The following MAGEC3 variants were observed in gnomAD, a reference collection of about 807,000 sequenced individuals.
MAGEC3 encodes MAGE family member C3.
A neutral mutation model predicts 35.3 loss-of-function variants in MAGEC3; 34 were observed. The observed-to-expected ratio is 0.96, with a 90% confidence interval of 0.73 to 1.28. The LOEUF (loss-of-function observed/expected upper bound fraction) is 1.28. Ranked by LOEUF, MAGEC3 falls within the 50% of genes most tolerant of loss-of-function variation. MAGEC3 has a pLI of 0.00. For synonymous variants in MAGEC3, 202 were observed against 185.6 expected, an observed-to-expected ratio of 1.09 and a Z score of -0.72; for missense variants, 561 against 483.6, an observed-to-expected ratio of 1.16 and a Z score of -1.50.
At chrX:141,895,746 G>A (rs1479064724) in intron 6 of MAGEC3, among the ~76,000 whole-genome samples, 187 bp downstream of exon 6, 2 of 105,755 alleles carry the variant, frequency 1.9e-5, no homozygotes, top group African/African-American at 3.5e-5. Context: ...GAGGGGGAGG[G>A]GTGGAGGGGA....
chrX:141,866,917 T>C (rs2017852811), intron 2 of MAGEC3, among the ~76,000 whole-genome samples: 2 of 111,251 alleles, frequency 1.8e-5, no homozygotes, highest in Admixed American at 1.9e-4. Flanking sequence ...AATAGTGAAA[T>C]AGACATTCAC....
At position 141,838,372 on chromosome X, in the gene MAGEC3, C is replaced by T. The variant is rs1475192066; in HGVS notation, c.57C>T (p.Gly19=). 1 of 1,209,581 alleles carries T rather than the reference C, an allele frequency of 8.3e-7. No homozygotes were observed. Among genetic ancestry groups the T allele is most frequent in the Admixed American group, 2.2e-5 (1 of 45,825 alleles). Residue 19 remains glycine (G), a synonymous_variant, in exon 1 of 8, where the codon GGC becomes GGT. Coordinates refer to ENST00000298296, the MANE Select transcript of MAGEC3 (RefSeq NM_138702.1). ...CCACCTTCAGTGATGGCAGTCTAGGCCAGTGGGTGAAAAACACATGTGCCA... is the reference window on the plus strand; with the variant it reads ...CCACCTTCAGTGATGGCAGTCTAGGTCAGTGGGTGAAAAACACATGTGCCA... ...LDATFSDGSL[G]QWVKNTCATY...
intron 2 of MAGEC3, among the ~76,000 whole-genome samples, chrX:141,872,199 G>A (rs908057855): frequency 9.0e-6 from 1 of 111,277 alleles, no homozygotes; most frequent in Non-Finnish European, 1.9e-5. Context: ...AACATTAAAG[G>A]TTTCATTTTT....
chrX:141,847,864 AG>A (rs1260844185), intron 1 of MAGEC3, among the ~76,000 whole-genome samples: 1 of 111,338 alleles, frequency 9.0e-6, no homozygotes, highest in Non-Finnish European at 1.9e-5. Context: ...TAAAGATTAA[AG>A]CAGAAATTAA....
intron 4 of MAGEC3, among the ~76,000 whole-genome samples, chrX:141,892,603 A>T (rs1040874128): frequency 9.0e-6 from 1 of 111,284 alleles, no homozygotes; most frequent in Admixed American, 9.6e-5. Context: ...ATTATTCCCC[A>T]TAATTGTCTA....
intron 1 of MAGEC3, among the ~76,000 whole-genome samples, chrX:141,851,532 A>G (rs759057320): frequency 9.1e-6 from 1 of 110,480 alleles, no homozygotes; most frequent in South Asian, 3.8e-4. Context: ...TATTAAAAGT[A>G]TACAGTTCAG....
At chrX:141,889,127 A>G (rs1475712471) in intron 4 of MAGEC3, among the ~76,000 whole-genome samples, 1 of 111,931 alleles carries the variant, frequency 8.9e-6, no homozygotes, top group Non-Finnish European at 1.9e-5. Flanking sequence ...CATGTTCCCC[A>G]TCGTCCTGAA....
intron 1 of MAGEC3, among the ~76,000 whole-genome samples, chrX:141,854,562 G>A (rs190829994): frequency 1.8e-5 from 2 of 111,215 alleles, no homozygotes; most frequent in Admixed American, 1.9e-4. Context: ...TTGATCAGGG[G>A]TTTCTGCTTT....
intron 2 of MAGEC3, among the ~76,000 whole-genome samples, chrX:141,869,657 G>A (rs897468525): frequency 5.4e-5 from 6 of 111,773 alleles, no homozygotes; most frequent in African/African-American, 1.6e-4. Context: ...TTGCTAAGGC[G>A]ACACAGCTTG....
chrX:141,864,801 G>T (rs1182246397), intron 1 of MAGEC3, among the ~76,000 whole-genome samples: 1 of 111,580 alleles, frequency 9.0e-6, no homozygotes, highest in African/African-American at 3.3e-5. Flanking sequence ...AGAAGTCTGG[G>T]GGAAATAAAA....
At chrX:141,861,307 A>G (rs1295223928) in intron 1 of MAGEC3, among the ~76,000 whole-genome samples, 1 of 111,798 alleles carries the variant, frequency 8.9e-6, no homozygotes, top group African/African-American at 3.2e-5. Context: ...ATGGAAAGAC[A>G]TCCCATGCTC....
chrX:141,851,217 G>A (rs191667952), intron 1 of MAGEC3, among the ~76,000 whole-genome samples: 185 of 110,578 alleles, frequency 1.7e-3, no homozygotes, highest in African/African-American at 5.6e-3. Context: ...GATATTGGGG[G>A]TAGTCTCAGT....
In MAGEC3 at chrX:141,895,515, G is replaced by T; in HGVS notation, c.1079G>T (p.Arg360Leu). Residue 360 changes from arginine (R) to leucine (L), a missense_variant, in exon 6 of 8, where the codon CGC (arginine) becomes CTC (leucine). Transcript: ENST00000298296. The part of the protein sequence containing the change: ...GLAGHRQEDG[R>L]RGLTEASPQQ... The stretch of plus-strand genomic sequence containing the variant: ...GCAGGCCACAGACAGGAAGATGGCC[G>T]CCGAGGGCTGACCGAGGCGTCCCCA... 1 of 1,209,561 alleles carries T rather than the reference G, an allele frequency of 8.3e-7. No homozygotes were observed.
chrX:141,860,183 G>A (rs899249173), intron 1 of MAGEC3, among the ~76,000 whole-genome samples: 2 of 111,749 alleles, frequency 1.8e-5, no homozygotes, highest in Non-Finnish European at 3.8e-5. Flanking sequence ...GTTGGCAGAG[G>A]TAGGATGTGC....
intron 1 of MAGEC3, among the ~76,000 whole-genome samples, chrX:141,864,756 C>T (rs2017837663): frequency 9.0e-6 from 1 of 111,453 alleles, no homozygotes. Flanking sequence ...CAAACCTGCA[C>T]ATGTGCTCCT....
intron 2 of MAGEC3, among the ~76,000 whole-genome samples, chrX:141,867,792 T>C (rs1186325735): frequency 8.9e-6 from 1 of 111,998 alleles, no homozygotes; most frequent in Non-Finnish European, 1.9e-5. Flanking sequence ...GCATAGTAAA[T>C]AATTTTTATT....
At chrX:141,858,396 C>T (rs981375294) in intron 1 of MAGEC3, among the ~76,000 whole-genome samples, 18 of 110,729 alleles carry the variant, frequency 1.6e-4, no homozygotes, top group African/African-American at 4.9e-4. Context: ...CATGGGGAAG[C>T]GCATTTTGTT....
intron 2 of MAGEC3, among the ~76,000 whole-genome samples, chrX:141,867,890 A>G (rs182133428): frequency 0.016 from 1,808 of 112,224 alleles, 37 homozygotes; most frequent in African/African-American, 0.056. Flanking sequence ...TGGGAGGCCA[A>G]GGCGGGCGGA....
chrX:141,896,702 A>G, intron 6 of MAGEC3, 180 bp from the exon 7 acceptor site: 1 of 1,211,796 alleles, frequency 8.3e-7, no homozygotes, highest in South Asian at 1.8e-5. Context: ...GAAGACTTCC[A>G]GAACCCGAGT....
Sources: gnomAD v4.1 joint callset for allele counts (sites outside exome capture counted in the v4.1 genomes callset) on GRCh38, gnomAD v4.1.1 for gene constraint, MANE v1.5 for transcripts, NCBI Gene and HGNC (gene_info 2026-07-23, HGNC 2026-07-21) for gene names.